ZFP41: variants seen among roughly 807,000 people sequenced by gnomAD.
The protein encoded by ZFP41 is ZFP41 zinc finger protein.
In ZFP41, 10 loss-of-function variants were observed where a neutral mutation model predicts 11.6. That is an observed-to-expected ratio of 0.86 (90% CI 0.53 to 1.47). The LOEUF is 1.47. ZFP41 is among the 40% of genes most tolerant of loss of function. The pLI is 0.00. For synonymous variants in ZFP41, 123 were observed against 100.9 expected (o/e 1.22, Z -1.31); for missense variants, 302 against 264.6 (o/e 1.14, Z -0.98).
chr8:143,253,758 G>A (rs143088863), intron 2 of ZFP41, among the ~76,000 whole-genome samples: 5 of 152,274 alleles, frequency 3.3e-5, no homozygotes, highest in Non-Finnish European at 7.4e-5. Context: ...CAGATCCCTC[G>A]AGAATGGCTT....
chr8:143,250,608 G>A lies in ZFP41; in HGVS notation c.*168G>A, dbSNP rs1814715836. On this transcript the variant is annotated 3_prime_UTR_variant, in exon 2 of 3. Coordinates refer to ENST00000330701, the MANE Select transcript of ZFP41 (RefSeq NM_173832.6). ...CCCAGTCAGATGTGGGAACGTGCCA[G>A]CGAGGGAGAGACCTTTCCACTGCAG... is the stretch of plus-strand genomic sequence containing the variant. The A allele has an allele frequency of 4.6e-6, 5 of 1,098,726 alleles. No homozygotes were observed. The Admixed American group carries it at 8.5e-5, about 19-fold the overall frequency. The allele number at this position is 1,098,726 out of a possible 1,614,324, so 68.1% of individuals were successfully genotyped here. A position where few individuals can be genotyped will look rare whatever the true frequency, so the allele number is the denominator to read the frequency against.
At chr8:143,249,393 G>C (rs1051077990) in intron 1 of ZFP41, 2 of 162,520 alleles carry the variant, frequency 1.2e-5, no homozygotes, top group Non-Finnish European at 2.7e-5. Flanking sequence ...GAACCAGGGG[G>C]ATTCGGGGGT....
At chr8:143,256,177 G>T (rs549085209) in intron 2 of ZFP41, among the ~76,000 whole-genome samples, 1 of 122,168 alleles carries the variant, frequency 8.2e-6, no homozygotes, top group East Asian at 2.6e-4. Flanking sequence ...CTCGCCCCGC[G>T]TGCTGGTGTT....
rs148864291 is a variant in ZFP41 at position 143,260,019 on chromosome 8, A to G, written c.*1145A>G. ...AGGGAAGCAGCCTCTGAAATCGTGC[A>G]GGGAAGCACCCTGTGAAATCGTGCA... is the stretch of plus-strand genomic sequence containing the variant. On this transcript the variant is annotated 3_prime_UTR_variant, in exon 3 of 3. Coordinates refer to ENST00000330701, the MANE Select transcript of ZFP41 (RefSeq NM_173832.6). 1.4e-3 allele frequency: 216 copies of G among 154,286 alleles called. No homozygotes were observed. The highest frequency in any genetic ancestry group is 2.6e-3 in the Non-Finnish European group (181 of 69,182). 9.6% of individuals were successfully genotyped at this position (154,286 alleles called of 1,614,324 possible).
chr8:143,248,815 G>A (rs1816740551), intron 1 of ZFP41, among the ~76,000 whole-genome samples: 1 of 152,158 alleles, frequency 6.6e-6, no homozygotes, highest in South Asian at 2.1e-4. Context: ...TCTAGATAGA[G>A]CCCTAGAAAG....
intron 2 of ZFP41, among the ~76,000 whole-genome samples, chr8:143,255,259 TCA>T (rs1332601531): frequency 2.0e-5 from 3 of 152,196 alleles, no homozygotes; most frequent in African/African-American, 7.2e-5. Context: ...GGCCTTTGCC[TCA>T]GTTTTCCCAG....
chr8:143,250,100 C>G lies in ZFP41; in HGVS notation c.257C>G (p.Pro86Arg). Residue 86 changes from proline to arginine, a missense_variant, in exon 2 of 3, where the codon CCC (proline) becomes CGC (arginine). By Grantham distance (103) the Pro-to-Arg change is moderately radical. Coordinates refer to ENST00000330701, the MANE Select transcript of ZFP41 (RefSeq NM_173832.6). ...PVFIPFQRKKPYECSECGRIF... is the reference protein window; with the variant it reads ...PVFIPFQRKKRYECSECGRIF... Reference sequence around the variant, plus strand: ...TTCATTCCTTTTCAGAGGAAGAAACCCTATGAGTGCAGTGAGTGTGGGCGG... The same window carrying G: ...TTCATTCCTTTTCAGAGGAAGAAACGCTATGAGTGCAGTGAGTGTGGGCGG... The G allele has an allele frequency of 1.2e-6, 2 of 1,614,108 alleles. No homozygotes were observed. Among genetic ancestry groups the G allele is most frequent in the African/African-American group, 1.3e-5 (1 of 75,014 alleles).
At chr8:143,258,130 A>G (rs1814954734) in intron 2 of ZFP41, among the ~76,000 whole-genome samples, 1 of 152,222 alleles carries the variant, frequency 6.6e-6, no homozygotes, top group Non-Finnish European at 1.5e-5. Flanking sequence ...GTTTGAGACC[A>G]GCCTGGGCAA....
intron 1 of ZFP41, among the ~76,000 whole-genome samples, chr8:143,248,891 CTTG>C (rs1202295942): frequency 6.6e-6 from 1 of 152,214 alleles, no homozygotes; most frequent in Non-Finnish European, 1.5e-5. Flanking sequence ...CCAGACCCTC[CTTG>C]TTGAGATAGG....
intron 2 of ZFP41, among the ~76,000 whole-genome samples, chr8:143,254,727 C>T (rs145304179): frequency 0.017 from 2,609 of 151,250 alleles, 42 homozygotes; most frequent in Non-Finnish European, 0.022. Flanking sequence ...CCACCTCCCG[C>T]GGTCAAGCGA....
At chr8:143,256,883 G>A (rs10090179) in intron 2 of ZFP41, among the ~76,000 whole-genome samples, 59,006 of 152,108 alleles carry the variant, frequency 0.39, 13,781 homozygotes, top group East Asian at 0.69. Context: ...AGCTGAAGCC[G>A]GAGGCACAGA....
Position 143,250,993 on chromosome 8 carries a change from G to A in ZFP41, c.*553G>A, listed in dbSNP as rs935471740. ...CCAGCCAGCTTCAGTGCCCGGGGCCGCTTGTCCCTGCCCGGCCTCTGTGCC... is the reference window on the plus strand; with the variant it reads ...CCAGCCAGCTTCAGTGCCCGGGGCCACTTGTCCCTGCCCGGCCTCTGTGCC... On this transcript the variant is annotated 3_prime_UTR_variant, in exon 2 of 3. Coordinates refer to ENST00000330701, the MANE Select transcript of ZFP41 (RefSeq NM_173832.6). 6 of 170,968 alleles carry A rather than the reference G, an allele frequency of 3.5e-5. No homozygotes were observed. The highest frequency in any genetic ancestry group is 7.0e-5 in the Non-Finnish European group (5 of 71,160). 10.6% of individuals were successfully genotyped at this position (170,968 alleles called of 1,614,324 possible).
rs1351201629 is a variant in ZFP41, at chr8:143,256,372, TC to T, written c.*901-3402del. 2.3e-3 allele frequency among the ~76,000 whole-genome samples: 330 copies of T among 142,708 alleles called. 16 individuals are homozygous for T. Among genetic ancestry groups the T allele is most frequent in the African/African-American group, 8.3e-3 (308 of 37,300 alleles). 93.6% of individuals were successfully genotyped at this position (142,708 alleles called of 152,430 possible). On this transcript the variant is annotated intron_variant, in intron 2 of 2. Coordinates refer to ENST00000330701, the MANE Select transcript of ZFP41 (RefSeq NM_173832.6). Reference sequence around the variant, plus strand: ...GTGCTGGAGTTAGTGAGATCAGGGCTCGCCCCGCGTGCTGGAGTTAGTGAGA... The same window carrying T: ...GTGCTGGAGTTAGTGAGATCAGGGCTGCCCCGCGTGCTGGAGTTAGTGAGA...
chr8:143,249,194 T>G (rs1001441449), intron 1 of ZFP41: 2 of 152,344 alleles, frequency 1.3e-5, no homozygotes, highest in African/African-American at 4.8e-5. Flanking sequence ...GGGAAGGATG[T>G]GACATGAGGG....
chr8:143,251,968 G>A (rs1015781592), intron 2 of ZFP41, among the ~76,000 whole-genome samples: 1 of 152,188 alleles, frequency 6.6e-6, no homozygotes, highest in Non-Finnish European at 1.5e-5. Flanking sequence ...GGACAGAGGA[G>A]CCTGTTCCAT....
At chr8:143,253,161 TCAACTGCAGGCAC>T (rs55900712) in intron 2 of ZFP41, 58,774 of 152,062 alleles carry the variant, frequency 0.39, 13,717 homozygotes, top group East Asian at 0.69. Flanking sequence ...GCAGGCACAG[TCAACTGCAGGCAC>T]AGTCAGCACC....
intron 2 of ZFP41, among the ~76,000 whole-genome samples, chr8:143,258,270 G>A (rs1054521783): frequency 8.5e-5 from 13 of 152,220 alleles, no homozygotes; most frequent in Non-Finnish European, 1.2e-4. Flanking sequence ...TCAGTGAACT[G>A]GGATTGTATC....
rs1814712073 is a variant in ZFP41, at chr8:143,250,532, G to A, written c.*92G>A. The A allele has an allele frequency of 1.7e-5, 26 of 1,532,362 alleles. No homozygotes were observed. Among genetic ancestry groups the A allele is most frequent in the East Asian group, 4.5e-5 (2 of 44,078 alleles). 94.9% of individuals were successfully genotyped at this position (1,532,362 alleles called of 1,614,324 possible). A position where few individuals can be genotyped will look rare whatever the true frequency, so the allele number is the denominator to read the frequency against. On this transcript the variant is annotated 3_prime_UTR_variant, in exon 2 of 3. Coordinates refer to ENST00000330701, the MANE Select transcript of ZFP41 (RefSeq NM_173832.6). The stretch of plus-strand genomic sequence containing the variant: ...CTCGTGTCCCGCGTCTGATGGGGGC[G>A]CAGGGCCGTGCGCACTGTGTTCCGT...
Position 143,250,543 on chromosome 8 carries a change from C to A in ZFP41, c.*103C>A. 1 of 1,516,470 alleles carries A rather than the reference C, an allele frequency of 6.6e-7. No homozygotes were observed. The highest frequency in any genetic ancestry group is 2.1e-5 in the Admixed American group (1 of 46,608). 93.9% of individuals were successfully genotyped at this position (1,516,470 alleles called of 1,614,324 possible). A position where few individuals can be genotyped will look rare whatever the true frequency, so the allele number is the denominator to read the frequency against. On this transcript the variant is annotated 3_prime_UTR_variant, in exon 2 of 3. Transcript: ENST00000330701. ...CGTCTGATGGGGGCGCAGGGCCGTG[C>A]GCACTGTGTTCCGTGCCCTGGGGAC...
Sources: allele counts gnomAD v4.1 joint callset (sites outside exome capture counted in the v4.1 genomes callset), GRCh38; gene constraint gnomAD v4.1.1; transcripts MANE v1.5; gene names NCBI Gene and HGNC (gene_info 2026-07-23, HGNC 2026-07-21).